ATXN7L1: variants seen among roughly 807,000 people sequenced by gnomAD.
The protein encoded by ATXN7L1 is ataxin 7 like 1.
In ATXN7L1, 15 loss-of-function variants were observed where a neutral mutation model predicts 70.8. That is an observed-to-expected ratio of 0.21 (90% CI 0.14 to 0.33). ATXN7L1 has a LOEUF of 0.33. Ranked by LOEUF, ATXN7L1 falls within the 10% of genes least tolerant of loss-of-function variation. The pLI is 1.00. For missense variants in ATXN7L1, 975 were observed against 1,097.1 expected (o/e 0.89, Z 1.57); for synonymous variants, 440 against 445.1 (o/e 0.99, Z 0.14).
At chr7:105,704,029 C>T (rs899778767) in intron 3 of ATXN7L1, among the ~76,000 whole-genome samples, 1 of 137,398 alleles carries the variant, frequency 7.3e-6, no homozygotes, top group African/African-American at 2.9e-5. Context: ...AGAAGCTGAC[C>T]CTCACCACAT....
At chr7:105,704,425 T>G (rs547706470) in intron 3 of ATXN7L1, among the ~76,000 whole-genome samples, 1 of 152,320 alleles carries the variant, frequency 6.6e-6, no homozygotes, top group African/African-American at 2.4e-5. Flanking sequence ...AACCTGTTCT[T>G]TGCCCTGATT....
chr7:105,816,423 G>C (rs740309), intron 2 of ATXN7L1, among the ~76,000 whole-genome samples: 1 of 151,898 alleles, frequency 6.6e-6, no homozygotes, highest in Non-Finnish European at 1.5e-5. Flanking sequence ...TGGGGTGACA[G>C]AGCAACTTAA....
intron 3 of ATXN7L1, among the ~76,000 whole-genome samples, chr7:105,726,191 T>A (rs184443548): frequency 1.6e-4 from 24 of 152,318 alleles, no homozygotes; most frequent in African/African-American, 5.3e-4. Flanking sequence ...TGTGAACCAC[T>A]GCGCCCGGCC....
intron 3 of ATXN7L1, among the ~76,000 whole-genome samples, chr7:105,738,732 G>A (rs1469333312): frequency 2.0e-5 from 3 of 152,196 alleles, no homozygotes; most frequent in East Asian, 3.8e-4. Context: ...CAGCAGGCAT[G>A]AGCTATAATG....
chr7:105,802,446 C>T (rs1563105382), intron 2 of ATXN7L1, among the ~76,000 whole-genome samples: 1 of 152,146 alleles, frequency 6.6e-6, no homozygotes, highest in East Asian at 1.9e-4. Flanking sequence ...GCAGTTGGCC[C>T]TGTTTCAGCA....
intron 3 of ATXN7L1, among the ~76,000 whole-genome samples, chr7:105,705,618 C>A (rs1335026375): frequency 6.6e-6 from 1 of 152,174 alleles, no homozygotes; most frequent in African/African-American, 2.4e-5. Flanking sequence ...CACCCTCCCC[C>A]CATGCACCCC....
intron 3 of ATXN7L1, among the ~76,000 whole-genome samples, chr7:105,688,257 T>C (rs1201468406): frequency 6.6e-6 from 1 of 152,110 alleles, no homozygotes; most frequent in Non-Finnish European, 1.5e-5. Flanking sequence ...AAATCCCAAC[T>C]GGGGACGGAC....
At chr7:105,706,437 C>T (rs569870491) in intron 3 of ATXN7L1, among the ~76,000 whole-genome samples, 1 of 152,260 alleles carries the variant, frequency 6.6e-6, no homozygotes, top group South Asian at 2.1e-4. Flanking sequence ...TTCAAGTGAT[C>T]CGCCTGCCTT....
chr7:105,607,664 T>C lies in ATXN7L1; in HGVS notation c.*188A>G. 1.7e-6 allele frequency: 1 copy of C among 579,424 alleles called. No individual in the cohort carries two copies. The highest frequency in any genetic ancestry group is 3.1e-6 in the Non-Finnish European group (1 of 321,024). The allele number at this position is 579,424 out of a possible 1,614,324, so 35.9% of individuals were successfully genotyped here. The stretch of plus-strand genomic sequence containing the variant: ...GAACTGTTTTCTGTAAATCTCAAAT[T>C]CACCTTCTTTTGCCTTTTTAACTAA... On this transcript the variant is annotated 3_prime_UTR_variant, in exon 12 of 12. Transcript: ENST00000419735.
chr7:105,691,132 T>C (rs1790757111), intron 3 of ATXN7L1, among the ~76,000 whole-genome samples: 1 of 152,206 alleles, frequency 6.6e-6, no homozygotes, highest in Admixed American at 6.5e-5. Flanking sequence ...CCCTTGGGCA[T>C]GTTTTGGGTC....
chr7:105,869,552 A>C (rs1464362622), intron 2 of ATXN7L1, among the ~76,000 whole-genome samples: 1 of 152,196 alleles, frequency 6.6e-6, no homozygotes, highest in Admixed American at 6.5e-5. Context: ...CCTAAGCCTG[A>C]GCTGAACATG....
At position 105,614,905 on chromosome 7, in the gene ATXN7L1, A is replaced by G; in HGVS notation, c.1518-89T>C. ...TCGATGACGTTTGAGGATCAGGGCT[A>G]CAGAGGACACCCCGGCAGAACCAGA... On this transcript the variant is annotated intron_variant, in intron 9 of 11. Coordinates refer to ENST00000419735, the MANE Select transcript of ATXN7L1 (RefSeq NM_020725.2). This position sits in a 1 kb window ranked among gnomAD's most constrained non-coding sequence, Gnocchi z 4.3. The G allele has an allele frequency of 7.0e-7, 1 of 1,424,152 alleles. No individual in the cohort carries two copies. The highest frequency in any genetic ancestry group is 9.4e-7 in the Non-Finnish European group (1 of 1,064,318). The allele number at this position is 1,424,152 out of a possible 1,614,324, so 88.2% of individuals were successfully genotyped here. A position where few individuals can be genotyped will look rare whatever the true frequency, so the allele number is the denominator to read the frequency against.
chr7:105,850,825 T>C (rs1231008998), intron 2 of ATXN7L1, among the ~76,000 whole-genome samples: 1 of 152,194 alleles, frequency 6.6e-6, no homozygotes. Context: ...GTGGGGGCCC[T>C]GGTGTGTAGG....
Position 105,819,711 on chromosome 7 carries a change from C to T in ATXN7L1, c.251-31003G>A, listed in dbSNP as rs977620632. ...CCCTTCCCGAGGCCCCTACCACTTC[C>T]GGGCCTCTAGCCGCACCTTCCGGCT... is the stretch of plus-strand genomic sequence containing the variant. On this transcript the variant is annotated intron_variant, in intron 2 of 11. Transcript: ENST00000419735. 4 of 894,640 alleles carry T rather than the reference C, an allele frequency of 4.5e-6. No individual in the cohort carries two copies. In the African/African-American group the frequency reaches 5.0e-5, roughly 11 times the overall value. The allele number at this position is 894,640 out of a possible 1,614,324, so 55.4% of individuals were successfully genotyped here. A position where few individuals can be genotyped will look rare whatever the true frequency, so the allele number is the denominator to read the frequency against.
chr7:105,734,245 C>A (rs2116342136), intron 3 of ATXN7L1, among the ~76,000 whole-genome samples: 1 of 152,318 alleles, frequency 6.6e-6, no homozygotes, highest in East Asian at 1.9e-4. Flanking sequence ...AATAAGCTTT[C>A]CACATCATGA....
At chr7:105,735,740 GTC>G (rs923656520) in intron 3 of ATXN7L1, among the ~76,000 whole-genome samples, 5 of 152,016 alleles carry the variant, frequency 3.3e-5, no homozygotes, top group Non-Finnish European at 4.4e-5. Flanking sequence ...GGCATTATTT[GTC>G]TTTTCTTTTC....
Position 105,788,276 on chromosome 7 carries a change from T to C in ATXN7L1, c.355+328A>G, listed in dbSNP as rs1398080823. The C allele has an allele frequency of 1.2e-5, 3 of 252,420 alleles. No individual in the cohort carries two copies. In the Admixed American group the frequency reaches 1.4e-4, roughly 12 times the overall value. 15.6% of individuals were successfully genotyped at this position (252,420 alleles called of 1,614,324 possible). ...CTTTCAGGGGGAGAAAATGTCTGGCTGCAGGAGCGACTCCTTAAGCAGCTC... is the reference window on the plus strand; with the variant it reads ...CTTTCAGGGGGAGAAAATGTCTGGCCGCAGGAGCGACTCCTTAAGCAGCTC... On this transcript the variant is annotated intron_variant, in intron 3 of 11. Coordinates refer to ENST00000419735, the MANE Select transcript of ATXN7L1 (RefSeq NM_020725.2).
chr7:105,857,862 C>T (rs1298729826), intron 2 of ATXN7L1, among the ~76,000 whole-genome samples: 1 of 152,140 alleles, frequency 6.6e-6, no homozygotes, highest in Non-Finnish European at 1.5e-5. Context: ...GTACCCAGTC[C>T]TAAACCTTGT....
chr7:105,848,187 G>C (rs375887604), intron 2 of ATXN7L1, among the ~76,000 whole-genome samples: 1 of 152,162 alleles, frequency 6.6e-6, no homozygotes, highest in Non-Finnish European at 1.5e-5. Context: ...ACTAAAATAA[G>C]ATAACATTTG....
Sources: allele counts gnomAD v4.1 joint callset (sites outside exome capture counted in the v4.1 genomes callset), GRCh38; gene constraint gnomAD v4.1.1; non-coding constraint Gnocchi (gnomAD v3.1); transcripts MANE v1.5; gene names NCBI Gene and HGNC (gene_info 2026-07-23, HGNC 2026-07-21).